Variants in RBFOX3 observed in about 807,000 individuals in gnomAD.
The protein encoded by RBFOX3 is RNA binding fox-1 homolog 3.
RBFOX3 carries 17 observed loss-of-function variants against 48.7 expected under a neutral mutation model. That is an observed-to-expected ratio of 0.35 (90% CI 0.24 to 0.52). The LOEUF (loss-of-function observed/expected upper bound fraction) is 0.52. Among genes scored for constraint, RBFOX3 ranks in the 20% least tolerant of loss-of-function variants. RBFOX3 has a pLI of 0.94. For synonymous variants in RBFOX3, 212 were observed against 209.5 expected (o/e 1.01, Z -0.10); for missense variants, 382 against 497.5 (o/e 0.77, Z 2.21).
chr17:79,616,075 T>C, the RBFOX3 span, among the ~76,000 whole-genome samples: 1 of 152,230 alleles, frequency 6.6e-6, no homozygotes, highest in Admixed American at 6.5e-5. Context: ...ATCAGGGGCC[T>C]GCTTTTTCCT....
intron 1 of RBFOX3, among the ~76,000 whole-genome samples, chr17:79,506,815 G>A (rs367956185): frequency 0.38 from 58,037 of 152,066 alleles, 11,657 homozygotes; most frequent in East Asian, 0.62. Flanking sequence ...GCTTCCGGCA[G>A]AACATGGAAT....
chr17:79,305,439 G>A (rs904412668), intron 3 of RBFOX3, among the ~76,000 whole-genome samples: 2 of 152,218 alleles, frequency 1.3e-5, no homozygotes, highest in African/African-American at 4.8e-5. Context: ...CTGTCCCAGT[G>A]GGGCTTGCTG....
chr17:79,097,156 T>C, intron 11 of RBFOX3, 136 bp downstream of exon 11: 1 of 777,342 alleles, frequency 1.3e-6, no homozygotes, highest in East Asian at 2.9e-5. Context: ...GGCTGAGTTC[T>C]GGGGCTCCCA....
intron 2 of RBFOX3, among the ~76,000 whole-genome samples, chr17:79,343,175 G>A (rs1396435469): frequency 6.6e-6 from 1 of 152,186 alleles, no homozygotes; most frequent in East Asian, 1.9e-4. Flanking sequence ...TTCATTAAGT[G>A]ATACCTGGAC....
chr17:79,165,269 G>A (rs1336923102), intron 4 of RBFOX3, among the ~76,000 whole-genome samples: 1 of 152,214 alleles, frequency 6.6e-6, no homozygotes, highest in Non-Finnish European at 1.5e-5. Flanking sequence ...AAGAGAAAGA[G>A]GGAGGGAGGA....
intron 13 of RBFOX3, among the ~76,000 whole-genome samples, chr17:79,095,242 T>A (rs1463194649): frequency 2.1e-5 from 3 of 139,786 alleles, no homozygotes; most frequent in African/African-American, 7.8e-5. Flanking sequence ...GGCACGGGGC[T>A]TGCGGGGGGC....
In RBFOX3 at chr17:79,127,208, G is replaced by C. The variant is rs192463247; in HGVS notation, c.-33-11460C>G. On this transcript the variant is annotated intron_variant, in intron 4 of 14. Coordinates refer to ENST00000693108, the MANE Select transcript of RBFOX3 (RefSeq NM_001350451.2). ...AGGTCCGGGTGCACCCTTCCTTCCT[G>C]AGGGGCTGGGAGCAGCTTCACTTCT... 6.7e-3 allele frequency among the ~76,000 whole-genome samples: 1,021 copies of C among 152,314 alleles called. 8 individuals are homozygous for C. Among genetic ancestry groups the C allele is most frequent in the Non-Finnish European group, 0.011 (735 of 68,040 alleles).
the RBFOX3 span, among the ~76,000 whole-genome samples, chr17:79,627,367 C>T: frequency 3.3e-5 from 5 of 152,200 alleles, no homozygotes; most frequent in Admixed American, 2.6e-4. Context: ...ACAGCCTCCC[C>T]GGTGAAGTAG....
chr17:79,183,399 C>T (rs2052620572), intron 4 of RBFOX3: 1 of 152,300 alleles, frequency 6.6e-6, no homozygotes, highest in Non-Finnish European at 1.5e-5. Flanking sequence ...GGCGGCGGCT[C>T]TGCGCTCGCT....
At chr17:79,413,209 C>T (rs535769083) in intron 2 of RBFOX3, among the ~76,000 whole-genome samples, 15 of 152,328 alleles carry the variant, frequency 9.8e-5, no homozygotes, top group South Asian at 4.1e-4. Flanking sequence ...GAGGGCAGGC[C>T]GGGGCACCCC....
At chr17:79,137,237 G>GCATGCACACA (rs113501054) in intron 4 of RBFOX3, among the ~76,000 whole-genome samples, 4 of 150,290 alleles carry the variant, frequency 2.7e-5, no homozygotes, top group African/African-American at 9.8e-5. Flanking sequence ...CCCTCTTCAT[G>GCATGCACACA]CACACACACA....
intron 3 of RBFOX3, among the ~76,000 whole-genome samples, chr17:79,287,100 T>C (rs77092058): frequency 0.03 from 4,629 of 152,326 alleles, 115 homozygotes; most frequent in East Asian, 0.068. Context: ...AGAGGACAAC[T>C]TGCTGTTGGC....
chr17:79,245,453 T>C (rs116173963), intron 3 of RBFOX3, among the ~76,000 whole-genome samples: 2,967 of 151,210 alleles, frequency 0.02, 89 homozygotes, highest in African/African-American at 0.07. Flanking sequence ...ATGCCCATAA[T>C]ATAAAGTGTA....
chr17:79,548,887 C>G (rs2143470154), intron 1 of RBFOX3, among the ~76,000 whole-genome samples: 1 of 152,376 alleles, frequency 6.6e-6, no homozygotes, highest in African/African-American at 2.4e-5. Context: ...TGCAAGCTAG[C>G]AAGTGCCATC....
rs1600218126 is a variant in RBFOX3, at chr17:79,249,087, C to T, written c.-73-13282G>A. On this transcript the variant is annotated intron_variant, in intron 3 of 14. Coordinates refer to ENST00000693108, the MANE Select transcript of RBFOX3 (RefSeq NM_001350451.2). This position sits in a 1 kb window ranked among gnomAD's most constrained non-coding sequence, Gnocchi z 4.1. ...TGCCTCCCCTGGGTCGGCAACGCCA[C>T]CTCGCTTCCTGCAGCTGACAAAGGA... Among the ~76,000 whole-genome samples the T allele has an allele frequency of 6.6e-6, 1 of 152,198 alleles. No individual in the cohort carries two copies. The highest frequency in any genetic ancestry group is 6.5e-5 in the Admixed American group (1 of 15,268).
chr17:79,620,938 C>G, the RBFOX3 span, among the ~76,000 whole-genome samples: 13 of 152,104 alleles, frequency 8.5e-5, no homozygotes, highest in Non-Finnish European at 1.9e-4. Flanking sequence ...TACGCCGTTC[C>G]TGGGGACATC....
chr17:79,280,876 TG>T (rs1567969884), intron 3 of RBFOX3, among the ~76,000 whole-genome samples: 1 of 150,062 alleles, frequency 6.7e-6, no homozygotes, highest in Non-Finnish European at 1.5e-5. Flanking sequence ...TGCAGGCATG[TG>T]GGGCACAGCT....
At chr17:79,646,867 T>C in the RBFOX3 span, among the ~76,000 whole-genome samples, 1 of 152,176 alleles carries the variant, frequency 6.6e-6, no homozygotes, top group Non-Finnish European at 1.5e-5. Context: ...CTGCCTGACC[T>C]GCTTTTCCCC....
chr17:79,664,486 AC>A, the RBFOX3 span, among the ~76,000 whole-genome samples: 1 of 152,014 alleles, frequency 6.6e-6, no homozygotes, highest in Non-Finnish European at 1.5e-5. Flanking sequence ...AGCTGGGACT[AC>A]AGGCGCCCAC....
Sources: allele counts gnomAD v4.1 joint callset (sites outside exome capture counted in the v4.1 genomes callset), GRCh38; gene constraint gnomAD v4.1.1; non-coding constraint Gnocchi (gnomAD v3.1); transcripts MANE v1.5; gene names NCBI Gene and HGNC (gene_info 2026-07-23, HGNC 2026-07-21).